The following SIPA1L1 variants were observed in gnomAD, a reference collection of about 807,000 sequenced individuals.
SIPA1L1 encodes signal-induced proliferation-associated 1-like protein 1.
SIPA1L1 carries 26 observed loss-of-function variants against 162.7 expected under a neutral mutation model. The observed-to-expected ratio is 0.16, with a 90% confidence interval of 0.12 to 0.22. The LOEUF (loss-of-function observed/expected upper bound fraction) is 0.22. Among genes scored for constraint, SIPA1L1 ranks in the 10% least tolerant of loss-of-function variants. The probability of loss-of-function intolerance (pLI) is 1.00; values close to 1 mark genes in which losing one functional copy is unlikely to be tolerated. For synonymous variants in SIPA1L1, 829 were observed against 837.4 expected (o/e 0.99, Z 0.17); for missense variants, 1,874 against 2,241.0 (o/e 0.84, Z 3.31).
intron 2 of SIPA1L1, among the ~76,000 whole-genome samples, chr14:71,502,327 C>T (rs1240027677): frequency 6.7e-6 from 1 of 148,880 alleles, no homozygotes; most frequent in African/African-American, 2.5e-5. Flanking sequence ...TAACCTCCGC[C>T]TCCAGGGTTT....
chr14:71,499,668 G>A (rs1273382514), intron 2 of SIPA1L1, among the ~76,000 whole-genome samples: 1 of 152,156 alleles, frequency 6.6e-6, no homozygotes, highest in Non-Finnish European at 1.5e-5. Flanking sequence ...AAAAAAAGGT[G>A]ATTGATGTGC....
intron 2 of SIPA1L1, among the ~76,000 whole-genome samples, chr14:71,441,915 T>C (rs2044893132): frequency 2.6e-5 from 4 of 152,128 alleles, no homozygotes; most frequent in Admixed American, 2.6e-4. Flanking sequence ...CTCCTGCCTG[T>C]AGTCCCAGCA....
At chr14:71,457,681 G>A (rs1429114505) in intron 2 of SIPA1L1, among the ~76,000 whole-genome samples, 5 of 151,710 alleles carry the variant, frequency 3.3e-5, no homozygotes, top group African/African-American at 9.7e-5. Flanking sequence ...TGCAACCTCC[G>A]CCTCCCAGGT....
chr14:71,437,052 C>T (rs1207032693), intron 2 of SIPA1L1, among the ~76,000 whole-genome samples: 1 of 152,098 alleles, frequency 6.6e-6, no homozygotes, highest in East Asian at 1.9e-4. Context: ...GCATGAGCTG[C>T]TGCACCCGGC....
chr14:71,653,229 A>G (rs1420624113), intron 8 of SIPA1L1, among the ~76,000 whole-genome samples: 1 of 152,164 alleles, frequency 6.6e-6, no homozygotes, highest in African/African-American at 2.4e-5. Flanking sequence ...TGAATATTCA[A>G]TGAAGTGTCT....
intron 13 of SIPA1L1, among the ~76,000 whole-genome samples, chr14:71,698,415 A>G (rs543896645): frequency 2.0e-5 from 3 of 152,340 alleles, no homozygotes; most frequent in Admixed American, 6.5e-5. Flanking sequence ...GTTAAATTCA[A>G]CAACTGCAGT....
chr14:71,477,357 T>G (rs2047953391), intron 2 of SIPA1L1, among the ~76,000 whole-genome samples: 1 of 151,964 alleles, frequency 6.6e-6, no homozygotes, highest in Admixed American at 6.6e-5. Context: ...TTTCTCTCTG[T>G]AAGAAAAAAA....
chr14:71,542,735 T>C lies in SIPA1L1; in HGVS notation c.-303+13365T>C, dbSNP rs1379907584. On this transcript the variant is annotated intron_variant, in intron 4 of 23. Transcript: ENST00000381232. ...TCCTCCTCCTCCTCCTCCTCCTCCT[T>C]CTTCTCTCTCTCTCTTTTTTTTTTT... 1.8e-3 allele frequency among the ~76,000 whole-genome samples: 246 copies of C among 139,254 alleles called. 1 individual carries two copies. Among genetic ancestry groups the C allele is most frequent in the African/African-American group, 4.8e-3 (183 of 38,218 alleles). The allele number at this position is 139,254 out of a possible 152,430, so 91.4% of individuals were successfully genotyped here. A position where few individuals can be genotyped will look rare whatever the true frequency, so the allele number is the denominator to read the frequency against.
intron 5 of SIPA1L1, among the ~76,000 whole-genome samples, chr14:71,609,795 T>A (rs977622318): frequency 1.7e-4 from 26 of 152,090 alleles, no homozygotes; most frequent in Non-Finnish European, 2.9e-5. Context: ...TGTCTCACTG[T>A]TGCTCAGGCT....
chr14:71,485,195 A>G (rs935577279), intron 2 of SIPA1L1, among the ~76,000 whole-genome samples: 2 of 152,358 alleles, frequency 1.3e-5, no homozygotes, highest in African/African-American at 4.8e-5. Context: ...ACAGGATATC[A>G]GTAGCAGAAG....
chr14:71,324,394 T>G (rs562305809), intron 2 of SIPA1L1, among the ~76,000 whole-genome samples: 1 of 152,326 alleles, frequency 6.6e-6, no homozygotes, highest in South Asian at 2.1e-4. Context: ...TTTCTTTTCT[T>G]TTTTTCCTAC....
At chr14:71,598,630 A>C (rs1188684926) in intron 5 of SIPA1L1, among the ~76,000 whole-genome samples, 1 of 152,230 alleles carries the variant, frequency 6.6e-6, no homozygotes, top group Non-Finnish European at 1.5e-5. Context: ...AAAAGACATA[A>C]CAACAAAATG....
At chr14:71,385,463 G>A (rs1309025363) in intron 2 of SIPA1L1, among the ~76,000 whole-genome samples, 3 of 152,112 alleles carry the variant, frequency 2.0e-5, no homozygotes, top group African/African-American at 4.8e-5. Context: ...TAGGGACTTG[G>A]TTTTGTTCCC....
intron 4 of SIPA1L1, among the ~76,000 whole-genome samples, chr14:71,579,711 T>C (rs1312873716): frequency 6.6e-6 from 1 of 152,250 alleles, no homozygotes; most frequent in Non-Finnish European, 1.5e-5. Flanking sequence ...TTGATATCAA[T>C]CATGATTAAT....
At position 71,730,225 on chromosome 14, in the gene SIPA1L1, T is replaced by C. The variant is rs746858283; in HGVS notation, c.4785T>C (p.Ser1595=). The change falls in exon 20 of 24, where the codon AGT becomes AGC. Residue 1595 remains serine (S), a synonymous_variant. Transcript: ENST00000381232. ...CCCTGCCCAACGACGTCCTCTTCAG[T>C]AGCACGTACCCTTCTCTCCCCAAGT... is the stretch of plus-strand genomic sequence containing the variant. ...DQALPNDVLF[S]STYPSLPKSL... 30 of 1,614,034 alleles carry C rather than the reference T, an allele frequency of 1.9e-5. No individual in the cohort carries two copies. The East Asian group carries it at 6.7e-4, about 36-fold the overall frequency.
chr14:71,508,670 C>G (rs2050870722), intron 2 of SIPA1L1, among the ~76,000 whole-genome samples: 2 of 152,124 alleles, frequency 1.3e-5, no homozygotes, highest in African/African-American at 4.8e-5. Context: ...AAAAAGTTTT[C>G]TTTTTTCTTT....
intron 2 of SIPA1L1, chr14:71,330,438 G>A: frequency 6.4e-7 from 1 of 1,569,506 alleles, no homozygotes; most frequent in South Asian, 1.1e-5. Flanking sequence ...CAGCCTTGCT[G>A]TGCTCAATAT....
chr14:71,326,469 A>G (rs1201831776), intron 2 of SIPA1L1, among the ~76,000 whole-genome samples: 1 of 151,746 alleles, frequency 6.6e-6, no homozygotes, highest in African/African-American at 2.4e-5. Flanking sequence ...TCAGCCTCCC[A>G]AACTGCTGGG....
chr14:71,374,850 C>G (rs1489631465), intron 2 of SIPA1L1, among the ~76,000 whole-genome samples: 3 of 152,030 alleles, frequency 2.0e-5, no homozygotes, highest in African/African-American at 7.3e-5. Flanking sequence ...TTTCCCTTTC[C>G]CCATCCTCTC....
Sources: allele counts gnomAD v4.1 joint callset (sites outside exome capture counted in the v4.1 genomes callset), GRCh38; gene constraint gnomAD v4.1.1; transcripts MANE v1.5; gene names NCBI Gene and HGNC (gene_info 2026-07-23, HGNC 2026-07-21).